The following AGBL4 variants were observed in gnomAD, a reference collection of about 807,000 sequenced individuals.
AGBL4 encodes the protein AGBL carboxypeptidase 4.
In AGBL4, 58 loss-of-function variants were observed where a neutral mutation model predicts 66.4. The observed-to-expected ratio is 0.87, with a 90% CI of 0.71 to 1.09. The LOEUF is 1.09. Ranked by LOEUF, AGBL4 falls within the 50% of genes least tolerant of loss-of-function variation. The pLI is 0.00. For missense variants in AGBL4, 579 were observed against 631.0 expected (o/e 0.92, Z 0.88); for synonymous variants, 234 against 222.9 (o/e 1.05, Z -0.44).
chr1:49,028,156 G>T (rs1434751621), intron 5 of AGBL4, among the ~76,000 whole-genome samples: 1 of 152,170 alleles, frequency 6.6e-6, no homozygotes, highest in Non-Finnish European at 1.5e-5. Flanking sequence ...CACTACATGA[G>T]ATTTATAGCA....
chr1:48,634,283 T>A (rs1312614217), intron 9 of AGBL4: 1 of 427,494 alleles, frequency 2.3e-6, no homozygotes, highest in Non-Finnish European at 4.3e-6. Flanking sequence ...CCTCCAAAAC[T>A]GAATCCACTA....
At chr1:48,535,037 G>T in intron 12 of AGBL4, 121 bp from the exon 13 acceptor site, 1 of 917,636 alleles carries the variant, frequency 1.1e-6, no homozygotes. Flanking sequence ...CGGAGCATAG[G>T]ACGTAAGTAT....
At chr1:49,948,021 T>A (rs1435685381) in intron 1 of AGBL4, among the ~76,000 whole-genome samples, 4 of 86,834 alleles carry the variant, frequency 4.6e-5, no homozygotes, top group African/African-American at 6.2e-5. Context: ...TATATAAATA[T>A]ATATAAATAT....
At chr1:49,525,859 G>A (rs938482379) in intron 3 of AGBL4, among the ~76,000 whole-genome samples, 7 of 151,948 alleles carry the variant, frequency 4.6e-5, no homozygotes, top group Non-Finnish European at 7.4e-5. Context: ...AGGCCAAGGC[G>A]GGTGGGTCAG....
intron 3 of AGBL4, among the ~76,000 whole-genome samples, chr1:49,482,595 T>C (rs1570828546): frequency 6.6e-6 from 1 of 152,020 alleles, no homozygotes; most frequent in Admixed American, 6.5e-5. Context: ...TTCTTTGATG[T>C]TTTGAATGGT....
intron 5 of AGBL4, among the ~76,000 whole-genome samples, chr1:48,974,064 G>C (rs1659122378): frequency 6.6e-6 from 1 of 152,134 alleles, no homozygotes; most frequent in Non-Finnish European, 1.5e-5. Flanking sequence ...ATGGCTGTGA[G>C]AGAAAATGAG....
chr1:49,140,253 T>C (rs1047316523), intron 4 of AGBL4, among the ~76,000 whole-genome samples: 3 of 152,214 alleles, frequency 2.0e-5, no homozygotes, highest in Admixed American at 2.0e-4. Context: ...TTCCCATACA[T>C]TTTCTAGCTG....
chr1:49,956,177 G>C (rs2148333276), intron 1 of AGBL4, among the ~76,000 whole-genome samples: 1 of 151,882 alleles, frequency 6.6e-6, no homozygotes, highest in Non-Finnish European at 1.5e-5. Context: ...TGAGCAATTA[G>C]GATGGAGAGA....
intron 8 of AGBL4, among the ~76,000 whole-genome samples, chr1:48,652,037 T>C (rs888155954): frequency 6.6e-6 from 1 of 151,488 alleles, no homozygotes; most frequent in African/African-American, 2.4e-5. Context: ...GGAATAAGAG[T>C]TGTTCGATAA....
At chr1:49,981,243 T>C (rs1010536703) in intron 1 of AGBL4, among the ~76,000 whole-genome samples, 3 of 152,260 alleles carry the variant, frequency 2.0e-5, no homozygotes, top group Middle Eastern at 6.8e-3. Flanking sequence ...TAGCTCAACT[T>C]TGAAGAAAGC....
intron 3 of AGBL4, among the ~76,000 whole-genome samples, chr1:49,544,914 C>T (rs1377741257): frequency 6.6e-6 from 1 of 152,202 alleles, no homozygotes; most frequent in Non-Finnish European, 1.5e-5. Context: ...TTCTTGAATT[C>T]TGTGAGCCTA....
intron 5 of AGBL4, among the ~76,000 whole-genome samples, chr1:48,900,847 C>A (rs1652015774): frequency 6.6e-6 from 1 of 151,962 alleles, no homozygotes; most frequent in African/African-American, 2.4e-5. Context: ...AGAGACAACA[C>A]CAAAAGCATG....
intron 6 of AGBL4, among the ~76,000 whole-genome samples, chr1:48,679,136 G>A (rs757848823): frequency 6.6e-6 from 1 of 152,196 alleles, no homozygotes; most frequent in African/African-American, 2.4e-5. Flanking sequence ...CCTGAAGGGT[G>A]GGCACAGGGT....
intron 4 of AGBL4, among the ~76,000 whole-genome samples, chr1:49,129,652 T>C (rs1645846105): frequency 6.6e-6 from 1 of 152,130 alleles, no homozygotes; most frequent in Non-Finnish European, 1.5e-5. Context: ...CTCATCATTT[T>C]TTATGGCTGC....
intron 3 of AGBL4, among the ~76,000 whole-genome samples, chr1:49,529,362 A>T (rs1401572634): frequency 6.6e-6 from 1 of 152,158 alleles, no homozygotes; most frequent in East Asian, 1.9e-4. Context: ...GAAATGTAGA[A>T]CAAAGGAGAA....
chr1:49,565,676 G>C (rs940710120), intron 3 of AGBL4, among the ~76,000 whole-genome samples: 1 of 152,306 alleles, frequency 6.6e-6, no homozygotes, highest in East Asian at 1.9e-4. Context: ...GAGATCCGCT[G>C]TTAGTCTGAT....
intron 3 of AGBL4, among the ~76,000 whole-genome samples, chr1:49,630,835 A>T (rs1377360995): frequency 6.6e-6 from 1 of 152,206 alleles, no homozygotes; most frequent in African/African-American, 2.4e-5. Context: ...AGAGGTAGTC[A>T]AAGAGTTGGA....
intron 4 of AGBL4, among the ~76,000 whole-genome samples, chr1:49,197,281 C>G (rs1466996460): frequency 6.6e-6 from 1 of 152,142 alleles, no homozygotes; most frequent in Non-Finnish European, 1.5e-5. Context: ...TCGTGGTTTA[C>G]CATGAGCAGG....
intron 3 of AGBL4, among the ~76,000 whole-genome samples, chr1:49,449,052 A>C (rs939073205): frequency 1.3e-5 from 2 of 152,038 alleles, no homozygotes; most frequent in African/African-American, 4.8e-5. Flanking sequence ...GAATTTATTA[A>C]GTCTCTTCAA....
Sources: gnomAD v4.1 joint callset for allele counts (sites outside exome capture counted in the v4.1 genomes callset) on GRCh38, gnomAD v4.1.1 for gene constraint, MANE v1.5 for transcripts, NCBI Gene and HGNC (gene_info 2026-07-23, HGNC 2026-07-21) for gene names.